RAP2C: variants seen among roughly 807,000 people sequenced by gnomAD.
The protein encoded by RAP2C is RAP2C, member of RAS oncogene family.
Under a neutral mutation model 8.9 loss-of-function variants are expected in RAP2C, and 3 were observed. That is an observed-to-expected ratio of 0.34 (90% CI 0.15 to 0.87). The LOEUF (loss-of-function observed/expected upper bound fraction) is 0.87, where lower values mean the gene tolerates loss of function less well. Among genes scored for constraint, RAP2C ranks in the 40% least tolerant of loss-of-function variants. RAP2C has a pLI of 0.51. For synonymous variants in RAP2C, 60 were observed against 52.1 expected, an observed-to-expected ratio of 1.15 and a Z score of -0.65; for missense variants, 76 against 133.7, an observed-to-expected ratio of 0.57 and a Z score of 2.13.
Position 132,203,997 on chromosome X carries a change from CATCACACACAATATA to C in RAP2C, c.*1610_*1624del, listed in dbSNP as rs1219323936. 1.8e-5 allele frequency: 2 copies of C among 112,608 alleles called. No homozygotes were observed. Among genetic ancestry groups the C allele is most frequent in the Non-Finnish European group, 3.8e-5 (2 of 53,191 alleles). 9.3% of individuals were successfully genotyped at this position (112,608 alleles called of 1,213,427 possible). A position where few individuals can be genotyped will look rare whatever the true frequency, so the allele number is the denominator to read the frequency against. On this transcript the variant is annotated 3_prime_UTR_variant, in exon 6 of 6. Coordinates refer to ENST00000370874, the MANE Select transcript of RAP2C (RefSeq NM_001271186.2). ...GAATGTAGATACCACTTTATTTGAA[CATCACACACAATATA>C]AATTTAAAATTGCCACACCCTTTCA...
chrX:132,212,573 T>C (rs1930460021), intron 5 of RAP2C, among the ~76,000 whole-genome samples: 1 of 112,567 alleles, frequency 8.9e-6, no homozygotes, highest in African/African-American at 3.2e-5. Flanking sequence ...AGTTGGTTAA[T>C]TTTTAAAAAG....
chrX:132,209,898 G>A (rs1930380973), intron 5 of RAP2C, among the ~76,000 whole-genome samples: 1 of 111,408 alleles, frequency 9.0e-6, no homozygotes, highest in African/African-American at 3.3e-5. Flanking sequence ...TGAATTCAGT[G>A]AAGGTCTGGG....
At position 132,204,768 on chromosome X, in the gene RAP2C, A is replaced by T. The variant is rs748525572; in HGVS notation, c.*854T>A. On this transcript the variant is annotated 3_prime_UTR_variant, in exon 6 of 6. Transcript: ENST00000370874. ...TGTTTAGGTATACAATTAATTTACCATGGATACAATATCCCTTTTCAAAGG... is the reference window on the plus strand; with the variant it reads ...TGTTTAGGTATACAATTAATTTACCTTGGATACAATATCCCTTTTCAAAGG... 2.7e-4 allele frequency: 30 copies of T among 111,372 alleles called. No individual in the cohort carries two copies. The highest frequency in any genetic ancestry group is 9.5e-4 in the African/African-American group (29 of 30,672). 9.2% of individuals were successfully genotyped at this position (111,372 alleles called of 1,213,427 possible).
intron 4 of RAP2C, among the ~76,000 whole-genome samples, chrX:132,216,672 G>A (rs1478812495): frequency 8.9e-6 from 1 of 112,056 alleles, no homozygotes; most frequent in Non-Finnish European, 1.9e-5. Flanking sequence ...ATGTTTTGTC[G>A]TGTAAGTTAA....
In RAP2C at chrX:132,204,387, C is replaced by T. The variant is rs965605211; in HGVS notation, c.*1235G>A. 8.9e-6 allele frequency: 1 copy of T among 112,351 alleles called. No homozygotes were observed. The highest frequency in any genetic ancestry group is 1.9e-5 in the Non-Finnish European group (1 of 53,149). The allele number at this position is 112,351 out of a possible 1,213,427, so 9.3% of individuals were successfully genotyped here. ...CCTTTCTGATTCTACACCTGCGTTACTGTTAAAATGTTCAAGTATTCAGAC... is the reference window on the plus strand; with the variant it reads ...CCTTTCTGATTCTACACCTGCGTTATTGTTAAAATGTTCAAGTATTCAGAC... On this transcript the variant is annotated 3_prime_UTR_variant, in exon 6 of 6. Coordinates refer to ENST00000370874, the MANE Select transcript of RAP2C (RefSeq NM_001271186.2).
In RAP2C at chrX:132,214,153, T is replaced by C. The variant is rs372738218; in HGVS notation, c.*15A>G. On this transcript the variant is annotated 3_prime_UTR_variant, in exon 5 of 6. Transcript: ENST00000370874. Reference sequence around the variant, plus strand: ...ACTAACCTGCTCGGTATGGCCATGATTGAGGTTATCTTCTTTACTGGACGA... The same window carrying C: ...ACTAACCTGCTCGGTATGGCCATGACTGAGGTTATCTTCTTTACTGGACGA... 2 of 1,199,351 alleles carry C rather than the reference T, an allele frequency of 1.7e-6. No homozygotes were observed. The highest frequency in any genetic ancestry group is 3.0e-5 in the East Asian group (1 of 33,653).
chrX:132,217,017 C>A lies in RAP2C; in HGVS notation c.252G>T (p.Leu84=). The A allele has an allele frequency of 8.8e-7, 1 of 1,138,872 alleles. No homozygotes were observed. Among genetic ancestry groups the A allele is most frequent in the Admixed American group, 2.9e-5 (1 of 34,971 alleles). 93.9% of individuals were successfully genotyped at this position (1,138,872 alleles called of 1,213,427 possible). Residue 84 remains leucine, a synonymous_variant, in exon 4 of 6, where the codon CTG becomes CTT. Coordinates refer to ENST00000370874, the MANE Select transcript of RAP2C (RefSeq NM_001271186.2). The part of the protein sequence containing the change: ...NGQGFILVYS[L]VNQQSFQDIK... ...TTACCTGAAAAGACTGTTGATTAAC[C>A]AGGCTATAAACCAGGATGAAACCTT...
intron 4 of RAP2C, among the ~76,000 whole-genome samples, chrX:132,215,516 C>CCAAAA (rs1930554134): frequency 1.8e-5 from 2 of 111,701 alleles, no homozygotes; most frequent in African/African-American, 6.5e-5. Context: ...TTCCCATTGT[C>CCAAAA]TTTATGGAAA....
chrX:132,207,242 A>G (rs1164929536), intron 5 of RAP2C, among the ~76,000 whole-genome samples: 1 of 112,070 alleles, frequency 8.9e-6, no homozygotes, highest in Non-Finnish European at 1.9e-5. Context: ...AAACAATTAT[A>G]AAGAGGTTGG....
Position 132,217,123 on chromosome X carries a change from G to A in RAP2C, c.146C>T (p.Ser49Phe), listed in dbSNP as rs372411891. 5 of 1,203,633 alleles carry A rather than the reference G, an allele frequency of 4.2e-6. No individual in the cohort carries two copies. In the African/African-American group the frequency reaches 5.3e-5, roughly 13 times the overall value. The change falls in exon 4 of 6, where the codon TCC becomes TTC. Residue 49 changes from serine (S) to phenylalanine (F), a missense_variant. Physicochemically the swap from Ser to Phe is radical, Grantham distance 155. Coordinates refer to ENST00000370874, the MANE Select transcript of RAP2C (RefSeq NM_001271186.2). ...GTCCAGAATTTCCAGCACGGAGGGG[G>A]AAGAGTCCACTTCGATCTCTTTGCG... ...FYRKEIEVDS[S>F]PSVLEILDTA...
At position 132,203,213 on chromosome X, in the gene RAP2C, G is replaced by C. The variant is rs1015360143; in HGVS notation, c.*2409C>G. ...TCACTGATAAAGTTACAGTACATTA[G>C]ATCCATGATAATAGGTTACATTATT... On this transcript the variant is annotated 3_prime_UTR_variant, in exon 6 of 6. Coordinates refer to ENST00000370874, the MANE Select transcript of RAP2C (RefSeq NM_001271186.2). 1 of 111,949 alleles carries C rather than the reference G, an allele frequency of 8.9e-6. No individual in the cohort carries two copies. Among genetic ancestry groups the C allele is most frequent in the Admixed American group, 9.6e-5 (1 of 10,470 alleles). The allele number at this position is 111,949 out of a possible 1,213,427, so 9.2% of individuals were successfully genotyped here.
intron 4 of RAP2C, 34 bp downstream of exon 4, chrX:132,216,962 C>G (rs1485801228): frequency 3.6e-6 from 4 of 1,108,063 alleles, no homozygotes; most frequent in Non-Finnish European, 3.6e-6. Flanking sequence ...TACCACACCC[C>G]CTTCTAACAA....
At chrX:132,211,577 G>C (rs1930430705) in intron 5 of RAP2C, among the ~76,000 whole-genome samples, 1 of 111,621 alleles carries the variant, frequency 9.0e-6, no homozygotes. Context: ...ACTGCCAATG[G>C]GAGGGTAAAA....
Position 132,218,328 on chromosome X carries a change from G to C in RAP2C, c.-732C>G, listed in dbSNP as rs889519475. 2.8e-5 allele frequency: 3 copies of C among 108,443 alleles called. No homozygotes were observed. Among genetic ancestry groups the C allele is most frequent in the African/African-American group, 1.0e-4 (3 of 29,753 alleles). 8.9% of individuals were successfully genotyped at this position (108,443 alleles called of 1,213,427 possible). On this transcript the variant is annotated 5_prime_UTR_variant, in exon 2 of 6. Coordinates refer to ENST00000370874, the MANE Select transcript of RAP2C (RefSeq NM_001271186.2). ...GGGTCGGGACTCCGGCTTCGGGAAC[G>C]GGCCTCTGGAAACCTGCGACGTCAG... is the stretch of plus-strand genomic sequence containing the variant.
rs1224910150 is a variant in RAP2C at position 132,217,428 on chromosome X, AG to A, written c.-161del. On this transcript the variant is annotated 5_prime_UTR_variant, in exon 4 of 6. Transcript: ENST00000370874. ...CCGGGGAAGAAGAGGAAGTTACAGGAGGGGGAGGGGAAAGAGCGTAGAGTCG... is the reference window on the plus strand; with the variant it reads ...CCGGGGAAGAAGAGGAAGTTACAGGAGGGGAGGGGAAAGAGCGTAGAGTCG... The A allele has an allele frequency of 3.0e-5, 3 of 99,027 alleles. No homozygotes were observed. Among genetic ancestry groups the A allele is most frequent in the Non-Finnish European group, 5.4e-5 (3 of 55,371 alleles). 8.2% of individuals were successfully genotyped at this position (99,027 alleles called of 1,213,427 possible).
chrX:132,217,105 A>G lies in RAP2C; in HGVS notation c.164T>C (p.Ile55Thr). 8.3e-7 allele frequency: 1 copy of G among 1,204,658 alleles called. No homozygotes were observed. ...CTGCTCAGTTCCTGCGGTGTCCAGA[A>G]TTTCCAGCACGGAGGGGGAAGAGTC... ...EVDSSPSVLE[I>T]LDTAGTEQFA... The change falls in exon 4 of 6, where the codon ATT (isoleucine) becomes ACT (threonine). Residue 55 changes from isoleucine to threonine, a missense_variant. Coordinates refer to ENST00000370874, the MANE Select transcript of RAP2C (RefSeq NM_001271186.2).
Position 132,214,126 on chromosome X carries a change from A to C in RAP2C, c.*34+8T>G. On this transcript the variant is annotated splice_region_variant and intron_variant, in intron 5 of 5. Coordinates refer to ENST00000370874, the MANE Select transcript of RAP2C (RefSeq NM_001271186.2). ...TACCTGATTCATACAGTTCCATCAA[A>C]AACTAACCTGCTCGGTATGGCCATG... 1 of 1,172,600 alleles carries C rather than the reference A, an allele frequency of 8.5e-7. No homozygotes were observed. Among genetic ancestry groups the C allele is most frequent in the Non-Finnish European group, 1.1e-6 (1 of 873,270 alleles).
intron 4 of RAP2C, among the ~76,000 whole-genome samples, chrX:132,215,209 A>T (rs1930543028): frequency 9.0e-6 from 1 of 110,687 alleles, no homozygotes; most frequent in African/African-American, 3.3e-5. Context: ...AAAAGATAAG[A>T]GCGTTAGCAA....
In RAP2C at chrX:132,214,239, C is replaced by T. The variant is rs1259413085; in HGVS notation, c.481G>A (p.Val161Ile). The change falls in exon 5 of 6, where the codon GTC becomes ATC. Residue 161 changes from valine (V) to isoleucine (I), a missense_variant. Physicochemically the swap from Val to Ile is conservative, Grantham distance 29. Coordinates refer to ENST00000370874, the MANE Select transcript of RAP2C (RefSeq NM_001271186.2). ...SMVDELFAEI[V>I]RQMNYSSLPE... ...AGGGATGAATAGTTCATTTGCCTGACGATCTCAGCAAAAAGTTCATCCACC... is the reference window on the plus strand; with the variant it reads ...AGGGATGAATAGTTCATTTGCCTGATGATCTCAGCAAAAAGTTCATCCACC... 3.3e-6 allele frequency: 4 copies of T among 1,210,104 alleles called. No individual in the cohort carries two copies. The highest frequency in any genetic ancestry group is 4.5e-6 in the Non-Finnish European group (4 of 895,112).
Sources: allele counts gnomAD v4.1 joint callset (sites outside exome capture counted in the v4.1 genomes callset), GRCh38; gene constraint gnomAD v4.1.1; transcripts MANE v1.5; gene names NCBI Gene and HGNC (gene_info 2026-07-23, HGNC 2026-07-21).